The following ZNF264 variants were observed in gnomAD, a reference collection of about 807,000 sequenced individuals.
The protein encoded by ZNF264 is zinc finger protein 264.
A neutral mutation model predicts 11.2 loss-of-function variants in ZNF264; 11 were observed. The observed-to-expected ratio is 0.98, with a 90% CI of 0.62 to 1.63. The LOEUF (loss-of-function observed/expected upper bound fraction) is 1.63, where lower values mean the gene tolerates loss of function less well. Among genes scored for constraint, ZNF264 ranks in the 40% most tolerant of loss-of-function variants. The probability of loss-of-function intolerance (pLI) is 0.00; values close to 1 mark genes in which losing one functional copy is unlikely to be tolerated. For missense variants in ZNF264, 752 were observed against 768.1 expected, an observed-to-expected ratio of 0.98 and a Z score of 0.25; for synonymous variants, 309 against 279.8, an observed-to-expected ratio of 1.10 and a Z score of -1.04.
chr19:57,205,316 T>C, intron 2 of ZNF264, 81 bp from the exon 3 acceptor site: 9 of 1,367,666 alleles, frequency 6.6e-6, no homozygotes, highest in Admixed American at 2.0e-5. Context: ...CTGGTCTCCA[T>C]CCTGAAGTCC....
At chr19:57,206,268 G>A (rs549657036) in intron 3 of ZNF264, among the ~76,000 whole-genome samples, 24 of 152,154 alleles carry the variant, frequency 1.6e-4, no homozygotes, top group African/African-American at 4.1e-4. Flanking sequence ...TTTTGAGACG[G>A]AGTCTCGCTC....
intron 2 of ZNF264, among the ~76,000 whole-genome samples, chr19:57,198,472 T>G (rs1416249800): frequency 1.3e-5 from 2 of 151,888 alleles, no homozygotes; most frequent in African/African-American, 4.9e-5. Flanking sequence ...CATTTGGCCT[T>G]TCCCACCTTA....
chr19:57,209,980 A>G (rs2087322638), intron 3 of ZNF264, among the ~76,000 whole-genome samples: 1 of 152,010 alleles, frequency 6.6e-6, no homozygotes, highest in South Asian at 2.1e-4. Flanking sequence ...TCAGGCATAC[A>G]AGACTCATTG....
In ZNF264 at chr19:57,193,911, A is replaced by T. The variant is rs2087193592; in HGVS notation, c.70A>T (p.Thr24Ser). ...VTFDDVAVTFTKEEWGQLDLA... is the reference protein window; with the variant it reads ...VTFDDVAVTFSKEEWGQLDLA... ...CTTTGATGATGTGGCTGTGACTTTC[A>T]CCAAGGAGGAGTGGGGGCAGCTGGA... Residue 24 changes from threonine (T) to serine (S), a missense_variant, in exon 2 of 4, where the codon ACC becomes TCC. Physicochemically the swap from Thr to Ser is moderately conservative, Grantham distance 58 (BLOSUM62 1). Transcript: ENST00000263095. 2 of 1,613,924 alleles carry T rather than the reference A, an allele frequency of 1.2e-6. No homozygotes were observed. The highest frequency in any genetic ancestry group is 2.7e-5 in the African/African-American group (2 of 74,980).
At chr19:57,208,907 T>A (rs1845726302) in intron 3 of ZNF264, among the ~76,000 whole-genome samples, 1 of 152,250 alleles carries the variant, frequency 6.6e-6, no homozygotes, top group South Asian at 2.1e-4. Flanking sequence ...TTTCCCTTTC[T>A]TTCACTGCTG....
chr19:57,192,452 C>G, intron 1 of ZNF264: 1 of 985,378 alleles, frequency 1.0e-6, no homozygotes, highest in Non-Finnish European at 1.2e-6. Flanking sequence ...GTCAGATGCC[C>G]TTACTCTCAT....
chr19:57,195,375 A>C (rs1362924975), intron 2 of ZNF264, among the ~76,000 whole-genome samples: 1 of 152,224 alleles, frequency 6.6e-6, no homozygotes. Context: ...GAAGGAGGAA[A>C]TACAACAATT....
At chr19:57,195,900 T>C (rs1384055561) in intron 2 of ZNF264, among the ~76,000 whole-genome samples, 1 of 151,710 alleles carries the variant, frequency 6.6e-6, no homozygotes, top group Non-Finnish European at 1.5e-5. Flanking sequence ...GTCGCGGGAA[T>C]AGGAAGCAAA....
At position 57,222,770 on chromosome 19, in the gene ZNF264, G is replaced by T. The variant is rs550658522; in HGVS notation, c.*9789G>T. On this transcript the variant is annotated 3_prime_UTR_variant, in exon 4 of 4. Transcript: ENST00000263095. The stretch of plus-strand genomic sequence containing the variant: ...TAGTTCATGGCTTCAGTGGGGGAGA[G>T]ATTTAAATAATATGGGTTTATAATT... The T allele has an allele frequency of 1.3e-5, 2 of 152,280 alleles. No homozygotes were observed. The highest frequency in any genetic ancestry group is 2.4e-5 in the African/African-American group (1 of 41,516). The allele number at this position is 152,280 out of a possible 1,614,324, so 9.4% of individuals were successfully genotyped here. A position where few individuals can be genotyped will look rare whatever the true frequency, so the allele number is the denominator to read the frequency against.
chr19:57,198,162 G>A (rs1455630504), intron 2 of ZNF264, among the ~76,000 whole-genome samples: 5 of 152,020 alleles, frequency 3.3e-5, no homozygotes, highest in Admixed American at 6.5e-5. Context: ...CAAGTCAGCG[G>A]CTGCATACCA....
chr19:57,198,380 A>G (rs1879993184), intron 2 of ZNF264, among the ~76,000 whole-genome samples: 1 of 151,932 alleles, frequency 6.6e-6, no homozygotes, highest in Non-Finnish European at 1.5e-5. Context: ...TGATGGTGGC[A>G]CTAATCTCCA....
At chr19:57,200,059 G>T (rs919462234) in intron 2 of ZNF264, among the ~76,000 whole-genome samples, 5 of 151,138 alleles carry the variant, frequency 3.3e-5, no homozygotes, top group Admixed American at 6.6e-5. Flanking sequence ...GGCTTCAGAA[G>T]CAGATACTAA....
Position 57,212,207 on chromosome 19 carries a change from C to T in ZNF264, c.1110C>T (p.Pro370=), listed in dbSNP as rs1568477046. Residue 370 remains proline (P), a synonymous_variant, in exon 4 of 4, where the codon CCC becomes CCT. Transcript: ENST00000263095. ...WHQQTHTGEK[P]YECSECGKVF... ...AGCAGACTCATACCGGGGAGAAGCC[C>T]TATGAGTGCAGTGAATGTGGGAAGG... is the stretch of plus-strand genomic sequence containing the variant. 1 of 1,614,150 alleles carries T rather than the reference C, an allele frequency of 6.2e-7. No homozygotes were observed. Among genetic ancestry groups the T allele is most frequent in the South Asian group, 1.1e-5 (1 of 91,078 alleles).
At chr19:57,192,252 G>T (rs1169018082) in intron 1 of ZNF264, 4 of 795,040 alleles carry the variant, frequency 5.0e-6, no homozygotes, top group Non-Finnish European at 6.1e-6. Flanking sequence ...GGGGGGAAGG[G>T]GAGGGCAGGG....
chr19:57,213,041 C>G lies in ZNF264; in HGVS notation c.*60C>G. On this transcript the variant is annotated 3_prime_UTR_variant, in exon 4 of 4. Transcript: ENST00000263095. The stretch of plus-strand genomic sequence containing the variant: ...TGAAGAGTCATATTAGAAATTCGTT[C>G]AGTCTAGAGCCTTATTCTCCATCTG... 1 of 1,490,562 alleles carries G rather than the reference C, an allele frequency of 6.7e-7. No individual in the cohort carries two copies. The highest frequency in any genetic ancestry group is 1.3e-5 in the South Asian group (1 of 76,780). The allele number at this position is 1,490,562 out of a possible 1,614,324, so 92.3% of individuals were successfully genotyped here.
chr19:57,204,165 G>A (rs1407561892), intron 2 of ZNF264, among the ~76,000 whole-genome samples: 1 of 148,786 alleles, frequency 6.7e-6, no homozygotes, highest in Non-Finnish European at 1.5e-5. Context: ...GCAGTGAGCC[G>A]AGTTCACACG....
intron 1 of ZNF264, among the ~76,000 whole-genome samples, chr19:57,192,906 A>AT (rs11423776): frequency 0.54 from 81,318 of 151,238 alleles, 23,794 homozygotes; most frequent in African/African-American, 0.78. Context: ...TGATTTTTGT[A>AT]TTTTAGTAGA....
intron 2 of ZNF264, chr19:57,194,228 GA>G: frequency 1.8e-6 from 1 of 554,856 alleles, no homozygotes; most frequent in Non-Finnish European, 2.9e-6. Context: ...GTGGTAAAAG[GA>G]AATGGGGTGT....
At chr19:57,196,811 A>G (rs575283490) in intron 2 of ZNF264, among the ~76,000 whole-genome samples, 2 of 151,888 alleles carry the variant, frequency 1.3e-5, no homozygotes, top group South Asian at 2.1e-4. Context: ...TTTGTCACCA[A>G]CTTTCCAGTC....
Sources: allele counts gnomAD v4.1 joint callset (sites outside exome capture counted in the v4.1 genomes callset), GRCh38; gene constraint gnomAD v4.1.1; transcripts MANE v1.5; gene names NCBI Gene and HGNC (gene_info 2026-07-23, HGNC 2026-07-21).